Variants in ADAMTS17 observed in about 807,000 individuals in gnomAD.
ADAMTS17 encodes ADAM metallopeptidase with thrombospondin type 1 motif 17.
Under a neutral mutation model 141.5 loss-of-function variants are expected in ADAMTS17, and 113 were observed. That is an observed-to-expected ratio of 0.80 (90% CI 0.69 to 0.93). The LOEUF (loss-of-function observed/expected upper bound fraction) is 0.93, where lower values mean the gene tolerates loss of function less well. Ranked by LOEUF, ADAMTS17 falls within the 40% of genes least tolerant of loss-of-function variation. The pLI is 0.00. For synonymous variants in ADAMTS17, 768 were observed against 630.6 expected, an observed-to-expected ratio of 1.22 and a Z score of -3.27; for missense variants, 1,659 against 1,517.9, an observed-to-expected ratio of 1.09 and a Z score of -1.54.
chr15:100,033,202 C>T (rs2030354501), intron 18 of ADAMTS17, among the ~76,000 whole-genome samples: 1 of 152,144 alleles, frequency 6.6e-6, no homozygotes, highest in Admixed American at 6.5e-5. Context: ...GATCAAATTA[C>T]ACTCTGGGGA....
chr15:100,000,359 G>C (rs1049346942), intron 18 of ADAMTS17, among the ~76,000 whole-genome samples: 1 of 152,316 alleles, frequency 6.6e-6, no homozygotes, highest in Non-Finnish European at 1.5e-5. Context: ...TTGGCCAAGA[G>C]TTTGTGTGGC....
chr15:100,032,051 A>G (rs745880403), intron 18 of ADAMTS17, among the ~76,000 whole-genome samples: 1 of 152,188 alleles, frequency 6.6e-6, no homozygotes, highest in Non-Finnish European at 1.5e-5. Context: ...TTACTTACCC[A>G]TAGAGGACAG....
At chr15:100,247,519 A>G (rs1427688262) in intron 7 of ADAMTS17, among the ~76,000 whole-genome samples, 1 of 152,170 alleles carries the variant, frequency 6.6e-6, no homozygotes, top group African/African-American at 2.4e-5. Flanking sequence ...CACACCAACC[A>G]GTGAGGACGC....
intron 8 of ADAMTS17, among the ~76,000 whole-genome samples, chr15:100,157,951 G>A (rs2039512000): frequency 6.6e-6 from 1 of 150,390 alleles, no homozygotes; most frequent in Admixed American, 6.7e-5. Context: ...TGCAGTGGCA[G>A]AATCTCGGAT....
In ADAMTS17 at chr15:100,096,046, T is replaced by C. The variant is rs28620120; in HGVS notation, c.2137+310A>G. Among the ~76,000 whole-genome samples, 30,079 of 152,076 alleles carry C rather than the reference T, an allele frequency of 0.2. 3,565 individuals carry two copies. Among genetic ancestry groups the C allele is most frequent in the East Asian group, 0.48 (2,467 of 5,140 alleles). On this transcript the variant is annotated intron_variant, in intron 15 of 21. Coordinates refer to ENST00000268070, the MANE Select transcript of ADAMTS17 (RefSeq NM_139057.4). Reference sequence around the variant, plus strand: ...GTGTCTCTCCCACCTTCTCTGCCTGTGCATCAGAAGGCGAGATGCCAGGAA... The same window carrying C: ...GTGTCTCTCCCACCTTCTCTGCCTGCGCATCAGAAGGCGAGATGCCAGGAA...
intron 3 of ADAMTS17, among the ~76,000 whole-genome samples, chr15:100,318,123 G>A (rs1170515089): frequency 3.3e-5 from 5 of 152,142 alleles, no homozygotes; most frequent in Non-Finnish European, 7.4e-5. Flanking sequence ...CTGACTTTCA[G>A]ATGATGAGAC....
chr15:100,244,475 G>A (rs1158748932), intron 7 of ADAMTS17, among the ~76,000 whole-genome samples: 3 of 151,764 alleles, frequency 2.0e-5, no homozygotes, highest in Non-Finnish European at 4.4e-5. Context: ...TGTCATGGGA[G>A]GGACCTGGTG....
intron 7 of ADAMTS17, among the ~76,000 whole-genome samples, chr15:100,227,199 C>T (rs1312707725): frequency 6.6e-6 from 1 of 152,188 alleles, no homozygotes; most frequent in East Asian, 1.9e-4. Context: ...TGAACACTTC[C>T]ACCTGGATTT....
At chr15:100,269,412 TAG>T in intron 4 of ADAMTS17, among the ~76,000 whole-genome samples, 1 of 152,386 alleles carries the variant, frequency 6.6e-6, no homozygotes, top group East Asian at 1.9e-4. Context: ...CTGTGGTAAC[TAG>T]ACACATTGCT....
chr15:100,089,063 T>A (rs1034711536), intron 15 of ADAMTS17, among the ~76,000 whole-genome samples: 2 of 151,850 alleles, frequency 1.3e-5, no homozygotes, highest in African/African-American at 4.8e-5. Flanking sequence ...ACCTACAGAA[T>A]GAGAGAAAAT....
At chr15:100,239,434 C>T (rs532914496) in intron 7 of ADAMTS17, among the ~76,000 whole-genome samples, 62 of 152,288 alleles carry the variant, frequency 4.1e-4, no homozygotes, top group Admixed American at 7.2e-4. Flanking sequence ...CTGAAAGCAA[C>T]GCTCTTCAGC....
chr15:100,162,241 T>C (rs1490999973), intron 8 of ADAMTS17, among the ~76,000 whole-genome samples: 1 of 151,900 alleles, frequency 6.6e-6, no homozygotes, highest in African/African-American at 2.4e-5. Context: ...GGGATTTTGA[T>C]GTAAGGTGCA....
chr15:100,042,084 C>A (rs549477360), intron 18 of ADAMTS17, among the ~76,000 whole-genome samples: 28 of 152,274 alleles, frequency 1.8e-4, no homozygotes, highest in Non-Finnish European at 3.5e-4. Flanking sequence ...CCATCTGAAA[C>A]AGCCATTTGT....
At chr15:100,243,476 T>G (rs548672748) in intron 7 of ADAMTS17, among the ~76,000 whole-genome samples, 22 of 152,300 alleles carry the variant, frequency 1.4e-4, no homozygotes, top group African/African-American at 5.3e-4. Context: ...TCGCCAACAT[T>G]TGTTATTTCT....
chr15:100,288,956 A>G lies in ADAMTS17; in HGVS notation c.617-7555T>C, dbSNP rs529407726. Among the ~76,000 whole-genome samples, 5 of 152,364 alleles carry G rather than the reference A, an allele frequency of 3.3e-5. No homozygotes were observed. The East Asian group carries it at 9.6e-4, about 29-fold the overall frequency. On this transcript the variant is annotated intron_variant, in intron 3 of 21. Transcript: ENST00000268070. The stretch of plus-strand genomic sequence containing the variant: ...CACCTTGAGGAACTAGAAAAACAAG[A>G]GTAAACCAACCTCAATGCTAGCAGA...
chr15:100,155,322 T>G lies in ADAMTS17; in HGVS notation c.1182-2A>C. 1.2e-6 allele frequency: 2 copies of G among 1,613,458 alleles called. No homozygotes were observed. Among genetic ancestry groups the G allele is most frequent in the Non-Finnish European group, 1.7e-6 (2 of 1,179,660 alleles). On this transcript the variant is annotated splice_acceptor_variant, in intron 8 of 21. Transcript: ENST00000268070. LOFTEE classifies it high-confidence loss of function. The stretch of plus-strand genomic sequence containing the variant: ...TCATCGTCGTGGTTCATGCCCAAGC[T>G]GTCCAAGAAGGAGGAGAGAGGGATG...
intron 6 of ADAMTS17, among the ~76,000 whole-genome samples, 187 bp downstream of exon 6, chr15:100,261,292 C>A (rs1347128173): frequency 6.6e-6 from 1 of 152,206 alleles, no homozygotes; most frequent in Non-Finnish European, 1.5e-5. Flanking sequence ...CATGCCCAGG[C>A]ATCGTACCTA....
At chr15:100,126,913 A>G (rs749923550) in intron 12 of ADAMTS17, among the ~76,000 whole-genome samples, 6 of 152,208 alleles carry the variant, frequency 3.9e-5, no homozygotes, top group Non-Finnish European at 7.3e-5. Context: ...CATAACAACA[A>G]TATCAGCTGT....
At chr15:100,208,067 G>C (rs1243710503) in intron 7 of ADAMTS17, among the ~76,000 whole-genome samples, 1 of 152,160 alleles carries the variant, frequency 6.6e-6, no homozygotes, top group Non-Finnish European at 1.5e-5. Context: ...CCAGGGGAAG[G>C]TGGGATGGGC....
Sources: allele counts gnomAD v4.1 joint callset (sites outside exome capture counted in the v4.1 genomes callset), GRCh38; gene constraint gnomAD v4.1.1; transcripts MANE v1.5; gene names NCBI Gene and HGNC (gene_info 2026-07-23, HGNC 2026-07-21).